TRIM5: variants seen among roughly 807,000 people sequenced by gnomAD.
TRIM5 encodes the protein tripartite motif-containing protein 5.
In TRIM5, 31 loss-of-function variants were observed where a neutral mutation model predicts 35.6. That is an observed-to-expected ratio of 0.87 (90% confidence interval 0.65 to 1.18). The LOEUF (loss-of-function observed/expected upper bound fraction) is 1.18, where lower values mean the gene tolerates loss of function less well. Among genes scored for constraint, TRIM5 ranks in the 50% most tolerant of loss-of-function variants. TRIM5 has a pLI of 0.00. For synonymous variants in TRIM5, 243 were observed against 215.6 expected (o/e 1.13, Z -1.11); for missense variants, 609 against 591.6 (o/e 1.03, Z -0.31).
chr11:5,674,197 T>C (rs1851770541), intron 4 of TRIM5, among the ~76,000 whole-genome samples: 1 of 151,996 alleles, frequency 6.6e-6, no homozygotes, highest in Admixed American at 6.5e-5. Context: ...GAGACATAAG[T>C]GTGTGTGCTG....
chr11:5,611,266 T>A, the TRIM5 span: 4 of 1,614,100 alleles, frequency 2.5e-6, no homozygotes, highest in South Asian at 4.4e-5. Context: ...AAATATTACT[T>A]TCCCACTACT....
intron 4 of TRIM5, among the ~76,000 whole-genome samples, chr11:5,677,424 G>C (rs1337112806): frequency 2.6e-5 from 4 of 152,230 alleles, no homozygotes; most frequent in Non-Finnish European, 5.9e-5. Context: ...ACACCAGTTA[G>C]AATGGCAATC....
the TRIM5 span, among the ~76,000 whole-genome samples, chr11:5,625,654 A>AGGT: frequency 6.6e-6 from 1 of 152,224 alleles, no homozygotes; most frequent in South Asian, 2.1e-4. Flanking sequence ...TGACAATAGC[A>AGGT]GGTTGAGTGA....
In TRIM5 at chr11:5,664,354, A is replaced by G. The variant is rs1277648015; in HGVS notation, c.*455T>C. 1 of 992,586 alleles carries G rather than the reference A, an allele frequency of 1.0e-6. No individual in the cohort carries two copies. Among genetic ancestry groups the G allele is most frequent in the Non-Finnish European group, 1.2e-6 (1 of 834,140 alleles). 61.5% of individuals were successfully genotyped at this position (992,586 alleles called of 1,614,324 possible). A position where few individuals can be genotyped will look rare whatever the true frequency, so the allele number is the denominator to read the frequency against. On this transcript the variant is annotated 3_prime_UTR_variant, in exon 8 of 8. Transcript: ENST00000380034. Reference sequence around the variant, plus strand: ...CTCTATACTTAAGAGTATACCATTTATGATATTTTCTCTTTAACTCACAAA... The same window carrying G: ...CTCTATACTTAAGAGTATACCATTTGTGATATTTTCTCTTTAACTCACAAA...
chr11:5,647,095 C>T, the TRIM5 span, among the ~76,000 whole-genome samples: 4 of 152,152 alleles, frequency 2.6e-5, no homozygotes, highest in African/African-American at 9.7e-5. Context: ...GGAATCCTGT[C>T]TGGAGAGGCC....
the TRIM5 span, chr11:5,611,286 T>C: frequency 6.2e-6 from 10 of 1,614,180 alleles, no homozygotes; most frequent in Admixed American, 1.5e-4. Context: ...TCTTTGTCCA[T>C]ATTTTAATCC....
the TRIM5 span, chr11:5,596,543 T>TCCCCCTTCCCCCTCCCCCTC: frequency 4.1e-5 from 1 of 24,656 alleles, no homozygotes; most frequent in African/African-American, 1.7e-4. Flanking sequence ...CCTTCCCCCT[T>TCCCCCTTCCCCCTCCCCCTC]CCCCCTTCCC....
the TRIM5 span, among the ~76,000 whole-genome samples, chr11:5,597,731 A>G: frequency 6.6e-6 from 1 of 152,180 alleles, no homozygotes; most frequent in Non-Finnish European, 1.5e-5. Context: ...TTTTATTCTG[A>G]AAGCCATTTT....
the TRIM5 span, chr11:5,655,784 A>G: frequency 1.3e-6 from 1 of 753,956 alleles, no homozygotes; most frequent in South Asian, 6.0e-5. Context: ...ATTTTAATTA[A>G]TTGTGTAAAA....
At chr11:5,600,378 G>T in the TRIM5 span, among the ~76,000 whole-genome samples, 1 of 151,882 alleles carries the variant, frequency 6.6e-6, no homozygotes, top group Non-Finnish European at 1.5e-5. Flanking sequence ...GATATTTGCT[G>T]TGAGCATCGC....
At chr11:5,673,931 T>C (rs1159521519) in intron 4 of TRIM5, among the ~76,000 whole-genome samples, 1 of 150,988 alleles carries the variant, frequency 6.6e-6, no homozygotes, top group Admixed American at 6.6e-5. Flanking sequence ...TTAAACACTA[T>C]ATCAGAAAAA....
the TRIM5 span, chr11:5,633,846 G>C: frequency 3.7e-6 from 6 of 1,613,992 alleles, no homozygotes; most frequent in African/African-American, 5.3e-5. Context: ...GAAGGAAGAG[G>C]AGGAAGCTGA....
chr11:5,656,991 A>G, the TRIM5 span, among the ~76,000 whole-genome samples: 3 of 152,218 alleles, frequency 2.0e-5, no homozygotes, highest in African/African-American at 7.2e-5. Flanking sequence ...AAATCATTCT[A>G]CTACAAAGAC....
rs980511059 is a variant in TRIM5 at position 5,680,129 on chromosome 11, TG to T, written c.48del (p.Ile17SerfsTer6). On this transcript the variant is annotated frameshift_variant, in exon 2 of 8. Coordinates refer to ENST00000380034, the MANE Select transcript of TRIM5 (RefSeq NM_033034.3). LOFTEE classifies it high-confidence loss of function. ...LVNVKEEVTCPICLELLTQPL... is the reference protein window; with the variant it reads ...LVNVKEEVTCXICLELLTQPL... ...GGTTGTGTCAGGAGTTCCAGGCAGATGGGGCAGGTCACCTCCTCCTTTACAT... is the reference window on the plus strand; with the variant it reads ...GGTTGTGTCAGGAGTTCCAGGCAGATGGGCAGGTCACCTCCTCCTTTACAT... 1 of 1,613,834 alleles carries T rather than the reference TG, an allele frequency of 6.2e-7. No homozygotes were observed. Among genetic ancestry groups the T allele is most frequent in the Non-Finnish European group, 8.5e-7 (1 of 1,179,844 alleles).
chr11:5,600,233 A>G, the TRIM5 span, among the ~76,000 whole-genome samples: 132,387 of 152,176 alleles, frequency 0.87, 58,443 homozygotes, highest in Middle Eastern at 0.96. Context: ...GCCACTTGAA[A>G]GATCTACTAA....
chr11:5,655,594 TGA>T, the TRIM5 span: 20 of 957,396 alleles, frequency 2.1e-5, no homozygotes, highest in Non-Finnish European at 2.5e-5. Flanking sequence ...TCATCCTACA[TGA>T]ATAGCATTGG....
the TRIM5 span, chr11:5,610,449 A>C: frequency 6.2e-7 from 1 of 1,609,690 alleles, no homozygotes; most frequent in African/African-American, 1.3e-5. Context: ...ATTCCTCACC[A>C]TTCCCCTCAA....
At chr11:5,682,681 A>T (rs190980751) in intron 1 of TRIM5, among the ~76,000 whole-genome samples, 1 of 152,178 alleles carries the variant, frequency 6.6e-6, no homozygotes, top group Non-Finnish European at 1.5e-5. Flanking sequence ...GATCATTAAC[A>T]TATCACTAGA....
the TRIM5 span, among the ~76,000 whole-genome samples, chr11:5,648,953 TGCTGAGAGTATAA>T: frequency 5.6e-4 from 85 of 152,366 alleles, no homozygotes; most frequent in South Asian, 0.017. Flanking sequence ...TACATGGCTT[TGCTGAGAGTATAA>T]GCAAACAAGT....
Sources: gnomAD v4.1 joint callset for allele counts (sites outside exome capture counted in the v4.1 genomes callset) on GRCh38, gnomAD v4.1.1 for gene constraint, MANE v1.5 for transcripts, NCBI Gene and HGNC (gene_info 2026-07-23, HGNC 2026-07-21) for gene names.